BUB1B: variants seen among roughly 807,000 people sequenced by gnomAD.
BUB1B encodes BUB1 mitotic checkpoint serine/threonine kinase B.
In BUB1B, 86 loss-of-function variants were observed where a neutral mutation model predicts 137.7. The observed-to-expected ratio is 0.62, with a 90% CI of 0.52 to 0.75. The LOEUF (loss-of-function observed/expected upper bound fraction) is 0.75, where lower values mean the gene tolerates loss of function less well. BUB1B is among the 30% of genes least tolerant of loss of function. The probability of loss-of-function intolerance (pLI) is 0.00; values close to 1 mark genes in which losing one functional copy is unlikely to be tolerated. For missense variants in BUB1B, 1,130 were observed against 1,236.9 expected (o/e 0.91, Z 1.30); for synonymous variants, 420 against 417.9 (o/e 1.00, Z -0.06).
At chr15:40,220,110 AG>A (rs1277802298) in intron 22 of BUB1B, among the ~76,000 whole-genome samples, 1 of 152,228 alleles carries the variant, frequency 6.6e-6, no homozygotes, top group Admixed American at 6.5e-5. Flanking sequence ...AATAATAAGA[AG>A]CAAAGGTACA....
intron 16 of BUB1B, 67 bp from the exon 17 acceptor site, chr15:40,209,563 CTGTTA>C (rs2037683111): frequency 2.6e-6 from 4 of 1,566,502 alleles, no homozygotes; most frequent in Admixed American, 3.4e-5. Flanking sequence ...TTCTTCTACT[CTGTTA>C]TAATATCCAT....
intron 15 of BUB1B, among the ~76,000 whole-genome samples, chr15:40,206,858 G>A (rs1261355660): frequency 6.6e-6 from 1 of 152,170 alleles, no homozygotes; most frequent in East Asian, 1.9e-4. Context: ...CGCCCAGGCT[G>A]GAGTGCAGTG....
At chr15:40,167,190 T>A (rs1368213947) in intron 2 of BUB1B, among the ~76,000 whole-genome samples, 23 of 150,978 alleles carry the variant, frequency 1.5e-4, no homozygotes, top group Middle Eastern at 3.4e-3. Flanking sequence ...TTTTTTTTTT[T>A]AAACTGCTTA....
intron 4 of BUB1B, among the ~76,000 whole-genome samples, chr15:40,173,295 T>TAAAAAAAAAAAAAAAAAA (rs61078619): frequency 1.2e-5 from 1 of 85,898 alleles, no homozygotes; most frequent in Non-Finnish European, 2.4e-5. Flanking sequence ...GAAAAAAAGA[T>TAAAAAAAAAAAAAAAAAA]AAAAAAAAAA....
chr15:40,163,876 C>T (rs991609431), intron 1 of BUB1B, among the ~76,000 whole-genome samples: 6 of 152,176 alleles, frequency 3.9e-5, no homozygotes, highest in African/African-American at 7.2e-5. Context: ...CTGTCTCCAA[C>T]GAGTTTTCAG....
At chr15:40,198,068 A>G (rs2037519356) in intron 9 of BUB1B, among the ~76,000 whole-genome samples, 1 of 152,078 alleles carries the variant, frequency 6.6e-6, no homozygotes, top group African/African-American at 2.4e-5. Context: ...GCACTTTGGG[A>G]AAAAAAGACC....
Position 40,173,313 on chromosome 15 carries a change from A to AG in BUB1B, c.384+2632_384+2633insG, listed in dbSNP as rs2037187436. ...AAAAAGATAAAAAAAAAAAAAAAAA[A>AG]AAAAGATTGGACTAGCTGCACCTCT... On this transcript the variant is annotated intron_variant, in intron 4 of 22. Coordinates refer to ENST00000287598, the MANE Select transcript of BUB1B (RefSeq NM_001211.6). Among the ~76,000 whole-genome samples, 3 of 151,266 alleles carry AG rather than the reference A, an allele frequency of 2.0e-5. No individual in the cohort carries two copies. The South Asian group carries it at 6.2e-4, about 31-fold the overall frequency.
chr15:40,181,959 G>T (rs774120840), intron 5 of BUB1B, among the ~76,000 whole-genome samples: 6 of 152,134 alleles, frequency 3.9e-5, no homozygotes, highest in Non-Finnish European at 7.4e-5. Context: ...ATCCCAACAC[G>T]CTGGGAGGCC....
chr15:40,168,721 T>C (rs1400008250), intron 2 of BUB1B, among the ~76,000 whole-genome samples: 1 of 152,192 alleles, frequency 6.6e-6, no homozygotes, highest in Non-Finnish European at 1.5e-5. Context: ...TTCTTACTTC[T>C]CCAGGGGTCT....
intron 17 of BUB1B, 54 bp from the exon 18 acceptor site, chr15:40,210,056 C>T (rs1323284095): frequency 4.3e-6 from 6 of 1,408,472 alleles, no homozygotes; most frequent in Non-Finnish European, 5.0e-6. Flanking sequence ...GTAAAAGCTA[C>T]AGGGCTGTAT....
intron 21 of BUB1B, 81 bp from the exon 22 acceptor site, chr15:40,218,375 C>A: frequency 3.0e-6 from 3 of 993,426 alleles, no homozygotes; most frequent in East Asian, 2.5e-5. Flanking sequence ...CACTGTAATA[C>A]CTTTCAACTT....
At chr15:40,173,142 G>A (rs868518919) in intron 4 of BUB1B, among the ~76,000 whole-genome samples, 14 of 151,716 alleles carry the variant, frequency 9.2e-5, no homozygotes, top group Non-Finnish European at 1.3e-4. Flanking sequence ...AAAATTAGCC[G>A]CACGTGGTGG....
intron 4 of BUB1B, among the ~76,000 whole-genome samples, chr15:40,175,070 A>C (rs966123483): frequency 5.3e-5 from 8 of 152,246 alleles, no homozygotes; most frequent in African/African-American, 1.4e-4. Context: ...GCGAATTATT[A>C]AATTTTAGCA....
intron 9 of BUB1B, 115 bp downstream of exon 9, chr15:40,196,889 T>A (rs1481910236): frequency 5.4e-6 from 5 of 931,384 alleles, no homozygotes; most frequent in Non-Finnish European, 8.3e-6. Context: ...ATGATGTTTC[T>A]ATGGTAGTAC....
At chr15:40,208,556 A>G (rs1350294673) in intron 15 of BUB1B, 81 bp from the exon 16 acceptor site, 2 of 1,385,820 alleles carry the variant, frequency 1.4e-6, no homozygotes, top group African/African-American at 1.4e-5. Flanking sequence ...AGAAAAATGT[A>G]TACATTAAGA....
At chr15:40,173,295 T>TAAA (rs61078619) in intron 4 of BUB1B, among the ~76,000 whole-genome samples, 19 of 85,878 alleles carry the variant, frequency 2.2e-4, no homozygotes, top group South Asian at 4.5e-4. Flanking sequence ...GAAAAAAAGA[T>TAAA]AAAAAAAAAA....
At position 40,183,784 on chromosome 15, in the gene BUB1B, G is replaced by C. The variant is rs1248918109; in HGVS notation, c.652G>C (p.Glu218Gln). 3 of 1,613,966 alleles carry C rather than the reference G, an allele frequency of 1.9e-6. No homozygotes were observed. The South Asian group carries it at 3.3e-5, about 18-fold the overall frequency. The change falls in exon 6 of 23, where the codon GAG (glutamate) becomes CAG (glutamine). Residue 218 changes from glutamate (E) to glutamine (Q), a missense_variant. Physicochemically the swap from Glu to Gln is conservative, Grantham distance 29. Coordinates refer to ENST00000287598, the MANE Select transcript of BUB1B (RefSeq NM_001211.6). The part of the protein sequence containing the change: ...LEKEEEEEVF[E>Q]SSVPQRSTLA... ...GAAAGAAGAAGAGGAGGAAGTTTTT[G>C]AGTCTTCTGTACCACAACGAAGCAC...
Position 40,185,251 on chromosome 15 carries a change from G to A in BUB1B, c.838G>A (p.Asp280Asn). The A allele has an allele frequency of 6.2e-7, 1 of 1,614,088 alleles. No individual in the cohort carries two copies. Among genetic ancestry groups the A allele is most frequent in the South Asian group, 1.1e-5 (1 of 91,082 alleles). The change falls in exon 7 of 23, where the codon GAT becomes AAT. Residue 280 changes from aspartate (D) to asparagine (N), a missense_variant. Physicochemically the swap from Asp to Asn is conservative, Grantham distance 23. Transcript: ENST00000287598. Reference sequence around the variant, plus strand: ...AATTACTGTTTTTGATGAAAATGCTGATGAGGCTTCTACAGCAGAGTTGTC... The same window carrying A: ...AATTACTGTTTTTGATGAAAATGCTAATGAGGCTTCTACAGCAGAGTTGTC... Reference protein sequence around the residue: ...SRITVFDENADEASTAELSKP... With the variant: ...SRITVFDENANEASTAELSKP...
intron 2 of BUB1B, among the ~76,000 whole-genome samples, chr15:40,169,666 T>G (rs1042622014): frequency 1.4e-5 from 2 of 145,594 alleles, no homozygotes; most frequent in African/African-American, 5.1e-5. Context: ...CAGGCTGGAG[T>G]GCAGTGCTGC....
Sources: gnomAD v4.1 joint callset for allele counts (sites outside exome capture counted in the v4.1 genomes callset) on GRCh38, gnomAD v4.1.1 for gene constraint, MANE v1.5 for transcripts, NCBI Gene and HGNC (gene_info 2026-07-23, HGNC 2026-07-21) for gene names.